Variants in UBTD2 observed in about 807,000 individuals in gnomAD.
The protein encoded by UBTD2 is ubiquitin domain-containing protein 2.
A neutral mutation model predicts 19.8 loss-of-function variants in UBTD2; 9 were observed. The observed-to-expected ratio is 0.46, with a 90% CI of 0.27 to 0.79. The LOEUF is 0.79. Ranked by LOEUF, UBTD2 falls within the 30% of genes least tolerant of loss-of-function variation. The pLI, the probability that UBTD2 is intolerant of heterozygous loss-of-function variation, is 0.14. For missense variants in UBTD2, 250 were observed against 300.4 expected, an observed-to-expected ratio of 0.83 and a Z score of 1.24; for synonymous variants, 98 against 103.9, an observed-to-expected ratio of 0.94 and a Z score of 0.35.
intron 2 of UBTD2, among the ~76,000 whole-genome samples, chr5:172,225,094 T>C (rs1243839917): frequency 6.6e-6 from 1 of 152,132 alleles, no homozygotes; most frequent in Non-Finnish European, 1.5e-5. Context: ...GTTTTTTTTT[T>C]TTCTTCTCAC....
At chr5:172,228,539 G>A (rs1217779636) in intron 2 of UBTD2, among the ~76,000 whole-genome samples, 1 of 152,084 alleles carries the variant, frequency 6.6e-6, no homozygotes, top group Non-Finnish European at 1.5e-5. Flanking sequence ...TGGCCAACAT[G>A]GTGAAACCCG....
At chr5:172,250,074 T>G (rs1023572773) in intron 1 of UBTD2, among the ~76,000 whole-genome samples, 1 of 151,874 alleles carries the variant, frequency 6.6e-6, no homozygotes, top group East Asian at 1.9e-4. Flanking sequence ...AATACAAACA[T>G]TAGCTGGGCG....
chr5:172,217,000 A>G (rs1411777710), intron 2 of UBTD2, among the ~76,000 whole-genome samples: 1 of 152,098 alleles, frequency 6.6e-6, no homozygotes, highest in Non-Finnish European at 1.5e-5. Context: ...CAAAGACAGA[A>G]TTACATATCC....
chr5:172,271,236 C>A (rs775106419), intron 1 of UBTD2, among the ~76,000 whole-genome samples: 3 of 152,052 alleles, frequency 2.0e-5, no homozygotes, highest in Non-Finnish European at 2.9e-5. Context: ...CAAGACCATC[C>A]TGGCTAACAC....
At chr5:172,239,208 A>G (rs751961666) in intron 1 of UBTD2, among the ~76,000 whole-genome samples, 7 of 152,174 alleles carry the variant, frequency 4.6e-5, no homozygotes, top group African/African-American at 7.2e-5. Flanking sequence ...GTATAATCCA[A>G]CCTTACTGAC....
chr5:172,255,406 C>T (rs1197374880), intron 1 of UBTD2: 2 of 494,154 alleles, frequency 4.0e-6, no homozygotes, highest in Non-Finnish European at 8.2e-6. Context: ...GGGCCTCTTG[C>T]TTAACAGGAA....
intron 1 of UBTD2, among the ~76,000 whole-genome samples, chr5:172,280,225 G>GTA (rs56095583): frequency 8.7e-5 from 13 of 150,142 alleles, no homozygotes; most frequent in South Asian, 6.4e-4. Context: ...AAAAAAAAAA[G>GTA]GCTGGGCACA....
intron 2 of UBTD2, among the ~76,000 whole-genome samples, chr5:172,226,576 C>A (rs1771770298): frequency 6.6e-6 from 1 of 152,192 alleles, no homozygotes; most frequent in Non-Finnish European, 1.5e-5. Context: ...ACAGCAATGT[C>A]ACAAAGGATC....
At chr5:172,236,591 AT>A (rs1296697507) in intron 1 of UBTD2, among the ~76,000 whole-genome samples, 3 of 152,236 alleles carry the variant, frequency 2.0e-5, no homozygotes, top group African/African-American at 7.2e-5. Flanking sequence ...CTACATTATC[AT>A]TTAGATGAGT....
chr5:172,273,407 G>A (rs918659332), intron 1 of UBTD2, among the ~76,000 whole-genome samples: 4 of 151,892 alleles, frequency 2.6e-5, no homozygotes, highest in African/African-American at 7.2e-5. Flanking sequence ...CCTGGCCAAC[G>A]TGGTGAAACC....
intron 2 of UBTD2, among the ~76,000 whole-genome samples, chr5:172,232,231 C>CCA (rs773135592): frequency 6.6e-6 from 1 of 151,672 alleles, no homozygotes; most frequent in Non-Finnish European, 1.5e-5. Context: ...CAAGATCATG[C>CCA]CACTGCACTC....
intron 1 of UBTD2, among the ~76,000 whole-genome samples, chr5:172,247,269 A>G (rs1754901114): frequency 6.6e-6 from 1 of 152,126 alleles, no homozygotes; most frequent in African/African-American, 2.4e-5. Context: ...GAGATAAATG[A>G]TAACAGTAAA....
chr5:172,272,418 G>C (rs974022019), intron 1 of UBTD2, among the ~76,000 whole-genome samples: 5 of 152,194 alleles, frequency 3.3e-5, no homozygotes, highest in African/African-American at 1.2e-4. Flanking sequence ...AAAGATGCGA[G>C]GGATGAGGGG....
chr5:172,248,601 A>C (rs114538466), intron 1 of UBTD2, among the ~76,000 whole-genome samples: 5 of 151,218 alleles, frequency 3.3e-5, no homozygotes, highest in African/African-American at 1.2e-4. Flanking sequence ...AAAAAAAAAC[A>C]ACCCACAAAA....
chr5:172,217,004 C>T (rs1451718142), intron 2 of UBTD2, among the ~76,000 whole-genome samples: 2 of 152,056 alleles, frequency 1.3e-5, no homozygotes, highest in East Asian at 3.9e-4. Context: ...GACAGAATTA[C>T]ATATCCAACT....
At chr5:172,261,176 TTA>T (rs1480569582) in intron 1 of UBTD2, among the ~76,000 whole-genome samples, 1 of 152,136 alleles carries the variant, frequency 6.6e-6, no homozygotes, top group Non-Finnish European at 1.5e-5. Context: ...TCTGCTCCCT[TTA>T]TCAACTATAA....
rs574452950 is a variant in UBTD2, at chr5:172,216,972, C to CCA, written c.308-4747_308-4746dup. On this transcript the variant is annotated intron_variant, in intron 2 of 2. Transcript: ENST00000393792. The stretch of plus-strand genomic sequence containing the variant: ...CAGAGACAGACCTTGCCTAAAAAAA[C>CCA]CACACACACACACAAAACAAAGACA... Among the ~76,000 whole-genome samples the CCA allele has an allele frequency of 3.4e-3, 507 of 151,200 alleles. 2 individuals carry two copies. Among genetic ancestry groups the CCA allele is most frequent in the African/African-American group, 8.6e-3 (354 of 41,208 alleles).
At chr5:172,251,465 C>CA (rs59810255) in intron 1 of UBTD2, among the ~76,000 whole-genome samples, 1,927 of 91,716 alleles carry the variant, frequency 0.021, 50 homozygotes, top group African/African-American at 0.042. Flanking sequence ...TCAAACTGTC[C>CA]AAAAAAAAAA....
chr5:172,250,227 C>A (rs1391862992), intron 1 of UBTD2, among the ~76,000 whole-genome samples: 1 of 151,946 alleles, frequency 6.6e-6, no homozygotes, highest in African/African-American at 2.4e-5. Context: ...AGCAAAACTC[C>A]ATCTCAAAAA....
Sources: gnomAD v4.1 joint callset for allele counts (sites outside exome capture counted in the v4.1 genomes callset) on GRCh38, gnomAD v4.1.1 for gene constraint, MANE v1.5 for transcripts, NCBI Gene and HGNC (gene_info 2026-07-23, HGNC 2026-07-21) for gene names.